RALYL: variants seen among roughly 807,000 people sequenced by gnomAD.
The protein encoded by RALYL is RNA-binding Raly-like protein.
A neutral mutation model predicts 35.1 loss-of-function variants in RALYL; 29 were observed. The ratio of observed to expected loss-of-function variants is 0.83; its 90% CI spans 0.61 to 1.13. The LOEUF (loss-of-function observed/expected upper bound fraction) is 1.13, where lower values mean the gene tolerates loss of function less well. RALYL is among the 50% of genes most tolerant of loss of function. The probability of loss-of-function intolerance (pLI) is 0.00; values close to 1 mark genes in which losing one functional copy is unlikely to be tolerated. For synonymous variants in RALYL, 120 were observed against 127.6 expected, an observed-to-expected ratio of 0.94 and a Z score of 0.40; for missense variants, 359 against 360.4, an observed-to-expected ratio of 1.00 and a Z score of 0.03.
chr8:84,586,265 C>T (rs956119312), intron 2 of RALYL, among the ~76,000 whole-genome samples: 4 of 151,888 alleles, frequency 2.6e-5, no homozygotes, highest in Non-Finnish European at 5.9e-5. Context: ...AGGCACTGTC[C>T]TTGTTAAACA....
chr8:84,791,798 A>C (rs1820834813), intron 3 of RALYL, among the ~76,000 whole-genome samples: 1 of 152,200 alleles, frequency 6.6e-6, no homozygotes, highest in African/African-American at 2.4e-5. Context: ...TTAAAAAAAA[A>C]CATTTTTGTC....
intron 2 of RALYL, among the ~76,000 whole-genome samples, chr8:84,610,924 A>C (rs1818175123): frequency 6.9e-6 from 1 of 144,832 alleles, no homozygotes; most frequent in African/African-American, 2.5e-5. Flanking sequence ...ACTTTGTGGC[A>C]GTACAAGATG....
intron 1 of RALYL, among the ~76,000 whole-genome samples, chr8:84,405,061 C>T (rs1433655225): frequency 6.6e-6 from 1 of 152,126 alleles, no homozygotes; most frequent in Non-Finnish European, 1.5e-5. Flanking sequence ...TTAAGAAACT[C>T]ACTGAAAACC....
At chr8:84,818,423 T>A (rs1216221237) in intron 4 of RALYL, among the ~76,000 whole-genome samples, 1 of 152,136 alleles carries the variant, frequency 6.6e-6, no homozygotes, top group Non-Finnish European at 1.5e-5. Context: ...GGACCTGAGT[T>A]TTTCTTCAAG....
chr8:84,715,029 C>G (rs904324401), intron 2 of RALYL, among the ~76,000 whole-genome samples: 1 of 151,802 alleles, frequency 6.6e-6, no homozygotes, highest in African/African-American at 2.4e-5. Context: ...TTTATTTTTT[C>G]AAGTGACATA....
At chr8:84,737,655 T>C (rs1014889963) in intron 2 of RALYL, among the ~76,000 whole-genome samples, 1 of 152,042 alleles carries the variant, frequency 6.6e-6, no homozygotes, top group African/African-American at 2.4e-5. Context: ...AATGTTTGTG[T>C]CCCCAAATTT....
chr8:84,416,650 G>A (rs554693149), intron 1 of RALYL, among the ~76,000 whole-genome samples: 18 of 152,130 alleles, frequency 1.2e-4, no homozygotes, highest in South Asian at 8.3e-4. Flanking sequence ...TTTTCCTGAA[G>A]GTCATCAAAA....
At chr8:84,578,890 G>A (rs2135937617) in intron 2 of RALYL, among the ~76,000 whole-genome samples, 1 of 152,292 alleles carries the variant, frequency 6.6e-6, no homozygotes, top group East Asian at 1.9e-4. Context: ...GCGGCCATGG[G>A]CAGGCCCAGA....
chr8:84,661,137 C>A (rs1236577984), intron 2 of RALYL, among the ~76,000 whole-genome samples: 2 of 151,958 alleles, frequency 1.3e-5, no homozygotes, highest in East Asian at 3.9e-4. Context: ...ACCGTGTTAG[C>A]CAGGATGGTC....
chr8:84,778,322 T>C (rs1240824081), intron 3 of RALYL, among the ~76,000 whole-genome samples: 1 of 152,198 alleles, frequency 6.6e-6, no homozygotes, highest in African/African-American at 2.4e-5. Flanking sequence ...TAACTTTGAT[T>C]TGTTTCTTCT....
chr8:84,758,052 A>C (rs1811840984), intron 2 of RALYL, among the ~76,000 whole-genome samples: 1 of 152,164 alleles, frequency 6.6e-6, no homozygotes, highest in Admixed American at 6.6e-5. Context: ...ATATGTGTAA[A>C]AATTGATGAA....
chr8:84,913,011 GATGGATGGATGGATGGA>G (rs1847759568), intron 8 of RALYL, among the ~76,000 whole-genome samples: 1 of 132,132 alleles, frequency 7.6e-6, no homozygotes, highest in Non-Finnish European at 1.6e-5. Context: ...TGGATGGATG[GATGGATGGATGGATGGA>G]TGGATAGGTA....
chr8:84,921,166 G>A lies in RALYL; in HGVS notation c.*255G>A, dbSNP rs1401696042. 3.3e-6 allele frequency: 1 copy of A among 298,972 alleles called. No homozygotes were observed. Among genetic ancestry groups the A allele is most frequent in the Non-Finnish European group, 6.1e-6 (1 of 164,324 alleles). The allele number at this position is 298,972 out of a possible 1,614,324, so 18.5% of individuals were successfully genotyped here. A position where few individuals can be genotyped will look rare whatever the true frequency, so the allele number is the denominator to read the frequency against. On this transcript the variant is annotated 3_prime_UTR_variant, in exon 9 of 9. Coordinates refer to ENST00000521268, the MANE Select transcript of RALYL (RefSeq NM_173848.7). ...TTTGCTAATTATGTTTTTTTTTTCA[G>A]TCTTAAAATGTGAAAGGCATTTATG...
chr8:84,426,471 T>TGGGG (rs941642595), intron 1 of RALYL, among the ~76,000 whole-genome samples: 2 of 147,608 alleles, frequency 1.4e-5, no homozygotes, highest in South Asian at 2.3e-4. Flanking sequence ...TGTGTGTGTG[T>TGGGG]GTGGGTTTAG....
At chr8:84,308,108 A>G (rs1042415867) in intron 1 of RALYL, among the ~76,000 whole-genome samples, 8 of 152,150 alleles carry the variant, frequency 5.3e-5, no homozygotes, top group African/African-American at 1.9e-4. Flanking sequence ...CAAGAAAAAA[A>G]TTAGGAACAT....
chr8:84,413,858 A>G (rs1242216694), intron 1 of RALYL, among the ~76,000 whole-genome samples: 1 of 152,126 alleles, frequency 6.6e-6, no homozygotes, highest in African/African-American at 2.4e-5. Flanking sequence ...CATTGTCGTC[A>G]TCATTAAATC....
At chr8:84,306,980 G>A (rs1841940321) in intron 1 of RALYL, among the ~76,000 whole-genome samples, 1 of 152,064 alleles carries the variant, frequency 6.6e-6, no homozygotes, top group South Asian at 2.1e-4. Flanking sequence ...CTTCTACTTG[G>A]AGTGGATGTG....
intron 1 of RALYL, among the ~76,000 whole-genome samples, chr8:84,347,812 C>G (rs1850124230): frequency 1.3e-5 from 2 of 152,040 alleles, no homozygotes; most frequent in Admixed American, 1.3e-4. Context: ...CTCTTAGGCT[C>G]TATTAAAAGA....
intron 7 of RALYL, among the ~76,000 whole-genome samples, chr8:84,875,758 A>G (rs888105185): frequency 6.6e-6 from 1 of 152,162 alleles, no homozygotes; most frequent in Admixed American, 6.6e-5. Context: ...AAATGCACTA[A>G]AACTCATTTT....
Sources: allele counts gnomAD v4.1 joint callset (sites outside exome capture counted in the v4.1 genomes callset), GRCh38; gene constraint gnomAD v4.1.1; transcripts MANE v1.5; gene names NCBI Gene and HGNC (gene_info 2026-07-23, HGNC 2026-07-21).